RERE: variants seen among roughly 807,000 people sequenced by gnomAD.
The protein encoded by RERE is arginine-glutamic acid dipeptide repeats protein.
Under a neutral mutation model 146.1 loss-of-function variants are expected in RERE, and 40 were observed. The ratio of observed to expected loss-of-function variants is 0.27; its 90% CI spans 0.21 to 0.36. The LOEUF (loss-of-function observed/expected upper bound fraction) is 0.36. Among genes scored for constraint, RERE ranks in the 10% least tolerant of loss-of-function variants. The pLI, the probability that RERE is intolerant of heterozygous loss-of-function variation, is 1.00. For missense variants in RERE, 1,933 were observed against 2,138.7 expected (o/e 0.90, Z 1.90); for synonymous variants, 1,003 against 866.0 (o/e 1.16, Z -2.78).
intron 7 of RERE, among the ~76,000 whole-genome samples, chr1:8,510,208 C>T (rs1013773491): frequency 1.3e-5 from 2 of 151,834 alleles, no homozygotes; most frequent in Non-Finnish European, 2.9e-5. Context: ...GGCCGATGCC[C>T]GTATTCATCA....
At chr1:8,710,686 T>G (rs1028016227) in intron 1 of RERE, among the ~76,000 whole-genome samples, 4 of 152,092 alleles carry the variant, frequency 2.6e-5, no homozygotes, top group Non-Finnish European at 5.9e-5. Flanking sequence ...CGGCTAATTT[T>G]TTGTATTTTT....
At chr1:8,436,563 C>CA (rs1412712073) in intron 11 of RERE, among the ~76,000 whole-genome samples, 1 of 151,898 alleles carries the variant, frequency 6.6e-6, no homozygotes, top group African/African-American at 2.4e-5. Context: ...TACAAGGGAA[C>CA]AAAAAAGTAG....
chr1:8,555,550 G>C (rs1645997555), intron 6 of RERE, among the ~76,000 whole-genome samples: 2 of 152,146 alleles, frequency 1.3e-5, no homozygotes, highest in African/African-American at 4.8e-5. Context: ...ACTCATTGTA[G>C]TTTTAAGATA....
At chr1:8,762,543 CTTATT>C (rs1351249639) in intron 1 of RERE, among the ~76,000 whole-genome samples, 1 of 152,070 alleles carries the variant, frequency 6.6e-6, no homozygotes, top group Non-Finnish European at 1.5e-5. Context: ...GAGAAAGGTG[CTTATT>C]TTATTTGAAG....
chr1:8,362,797 A>G lies in RERE; in HGVS notation c.1788T>C (p.Asp596=), dbSNP rs1477621803. 1 of 1,614,174 alleles carries G rather than the reference A, an allele frequency of 6.2e-7. No individual in the cohort carries two copies. The highest frequency in any genetic ancestry group is 1.1e-5 in the South Asian group (1 of 91,086). ...SGRKKQPASP[D]GRTSPINEDI... Reference sequence around the variant, plus strand: ...CTTCATTGATGGGTGAGGTGCGACCATCAGGGCTGGCTGGCTGCTTCTTCC... The same window carrying G: ...CTTCATTGATGGGTGAGGTGCGACCGTCAGGGCTGGCTGGCTGCTTCTTCC... Residue 596 remains aspartate (D), a synonymous_variant, in exon 16 of 23, where the codon GAT becomes GAC. Coordinates refer to ENST00000400908, the MANE Select transcript of RERE (RefSeq NM_001042681.2).
At chr1:8,490,053 CAAAA>C (rs1252869517) in intron 10 of RERE, among the ~76,000 whole-genome samples, 3 of 71,278 alleles carry the variant, frequency 4.2e-5, no homozygotes, top group African/African-American at 1.6e-4. Context: ...GACTCTGTCT[CAAAA>C]AAAAAAAAAA....
chr1:8,500,779 C>T (rs895035111), intron 8 of RERE, among the ~76,000 whole-genome samples: 61 of 149,678 alleles, frequency 4.1e-4, no homozygotes, highest in Non-Finnish European at 4.0e-4. Flanking sequence ...GCCTCTTCCC[C>T]GCCGCCCATC....
intron 12 of RERE, among the ~76,000 whole-genome samples, chr1:8,401,765 A>G (rs1440948157): frequency 6.6e-6 from 1 of 152,054 alleles, no homozygotes; most frequent in Admixed American, 6.5e-5. Context: ...CAAAAAGAAA[A>G]AAAAAAAGCC....
intron 11 of RERE, among the ~76,000 whole-genome samples, chr1:8,440,054 A>G (rs946856594): frequency 1.3e-5 from 2 of 152,162 alleles, no homozygotes; most frequent in Admixed American, 6.5e-5. Flanking sequence ...AGCCTGGGCA[A>G]CAAGAGTGAA....
At chr1:8,576,208 G>A (rs1367938571) in intron 4 of RERE, among the ~76,000 whole-genome samples, 2 of 151,466 alleles carry the variant, frequency 1.3e-5, no homozygotes, top group African/African-American at 4.9e-5. Context: ...TTCTCCAGTG[G>A]TTCTAGGGAA....
intron 4 of RERE, among the ~76,000 whole-genome samples, chr1:8,590,097 T>C (rs975988158): frequency 1.3e-5 from 2 of 152,168 alleles, no homozygotes; most frequent in African/African-American, 4.8e-5. Flanking sequence ...CCTACCACCA[T>C]TGCTTTTGGG....
intron 12 of RERE, among the ~76,000 whole-genome samples, chr1:8,408,946 A>G (rs1643535964): frequency 6.6e-6 from 1 of 152,170 alleles, no homozygotes; most frequent in Non-Finnish European, 1.5e-5. Flanking sequence ...ATGTCCCGCA[A>G]TGATTTGGGG....
At chr1:8,514,181 C>T (rs552191408) in intron 7 of RERE, among the ~76,000 whole-genome samples, 1 of 152,294 alleles carries the variant, frequency 6.6e-6, no homozygotes, top group African/African-American at 2.4e-5. Flanking sequence ...CAAATAGTAT[C>T]AGTGTTTTCC....
intron 1 of RERE, among the ~76,000 whole-genome samples, chr1:8,683,702 G>A (rs1193999566): frequency 6.6e-6 from 1 of 152,100 alleles, no homozygotes; most frequent in Non-Finnish European, 1.5e-5. Context: ...CAGCACTTTG[G>A]GAGGCCAAGG....
intron 4 of RERE, among the ~76,000 whole-genome samples, chr1:8,598,393 A>G (rs1646581078): frequency 6.6e-6 from 1 of 152,192 alleles, no homozygotes; most frequent in Non-Finnish European, 1.5e-5. Flanking sequence ...CGTGAAGGGC[A>G]TTCCCGGCCC....
intron 1 of RERE, among the ~76,000 whole-genome samples, chr1:8,657,281 G>C (rs1365171085): frequency 6.8e-6 from 1 of 147,038 alleles, no homozygotes; most frequent in Non-Finnish European, 1.5e-5. Context: ...CTTCAGCCTG[G>C]GCGACAGAGC....
chr1:8,809,252 A>G (rs759645077), intron 1 of RERE, among the ~76,000 whole-genome samples: 46 of 152,112 alleles, frequency 3.0e-4, no homozygotes, highest in Non-Finnish European at 6.3e-4. Context: ...ATAATACAGT[A>G]AGGTAGTATT....
intron 12 of RERE, among the ~76,000 whole-genome samples, chr1:8,411,368 G>A (rs998101701): frequency 2.0e-5 from 3 of 149,126 alleles, no homozygotes; most frequent in Non-Finnish European, 3.0e-5. Context: ...TGCTCGGGCT[G>A]AACTAAAGAT....
At chr1:8,690,077 A>G (rs748090657) in intron 1 of RERE, among the ~76,000 whole-genome samples, 11 of 152,208 alleles carry the variant, frequency 7.2e-5, no homozygotes, top group Non-Finnish European at 1.2e-4. Context: ...TATGCTCTGT[A>G]TTAGTCCGCC....
Sources: allele counts gnomAD v4.1 joint callset (sites outside exome capture counted in the v4.1 genomes callset), GRCh38; gene constraint gnomAD v4.1.1; transcripts MANE v1.5; gene names NCBI Gene and HGNC (gene_info 2026-07-23, HGNC 2026-07-21).